Variants in HDAC9 observed in about 807,000 individuals in gnomAD.
HDAC9 encodes MEF-2 interacting transcription repressor (MITR) protein.
Under a neutral mutation model 139.4 loss-of-function variants are expected in HDAC9, and 41 were observed. The ratio of observed to expected loss-of-function variants is 0.29; its 90% confidence interval spans 0.23 to 0.38. The LOEUF is 0.38. HDAC9 is among the 10% of genes least tolerant of loss of function. The pLI is 1.00. For missense variants in HDAC9, 1,147 were observed against 1,297.0 expected, an observed-to-expected ratio of 0.88 and a Z score of 1.78; for synonymous variants, 517 against 476.2, an observed-to-expected ratio of 1.09 and a Z score of -1.12.
In HDAC9 at chr7:18,732,944, C is replaced by CACACGTGTATGTGTGTGTATGTGTATAT. The variant is rs1562893777; in HGVS notation, c.1909+5192_1909+5219dup. ...ACACACGTGTGTATGTATGTGTATA[C>CACACGTGTATGTGTGTGTATGTGTATAT]ACACGTGTATGTGTGTGTATGTGTA... is the stretch of plus-strand genomic sequence containing the variant. On this transcript the variant is annotated intron_variant, in intron 13 of 25. Coordinates refer to ENST00000686413, the MANE Select transcript of HDAC9 (RefSeq NM_178425.4). Among the ~76,000 whole-genome samples, 15 of 74,290 alleles carry CACACGTGTATGTGTGTGTATGTGTATAT rather than the reference C, an allele frequency of 2.0e-4. 1 individual carries two copies. The highest frequency in any genetic ancestry group is 4.7e-4 in the South Asian group (1 of 2,144). 48.7% of individuals were successfully genotyped at this position (74,290 alleles called of 152,430 possible). A position where few individuals can be genotyped will look rare whatever the true frequency, so the allele number is the denominator to read the frequency against.
chr7:18,954,077 C>G (rs1253766549), intron 23 of HDAC9, 69 bp from the exon 24 acceptor site: 7 of 1,078,124 alleles, frequency 6.5e-6, no homozygotes, highest in Non-Finnish European at 9.5e-6. Flanking sequence ...TTTCAGTTTG[C>G]TTTGCTTCTG....
rs144974733 is a variant in HDAC9 at position 18,371,695 on chromosome 7, A to C, written c.-42+81180A>C. 6.8e-3 allele frequency among the ~76,000 whole-genome samples: 1,033 copies of C among 152,292 alleles called. 14 individuals are homozygous for C. Among genetic ancestry groups the C allele is most frequent in the African/African-American group, 0.024 (1,001 of 41,572 alleles). ...CCATTCTCTTTTCTCATACCTTTTT[A>C]ATATGTTTGAAATAAAAAATAATTA... On this transcript the variant is annotated intron_variant, in intron 1 of 3. Coordinates refer to the HDAC9 transcript ENST00000413509.
chr7:18,218,644 C>T (rs1001064025), intron 2 of HDAC9, among the ~76,000 whole-genome samples: 1 of 152,074 alleles, frequency 6.6e-6, no homozygotes, highest in Non-Finnish European at 1.5e-5. Flanking sequence ...ACGCTTAGGT[C>T]CACCATTCAG....
At chr7:18,585,153 TAG>T in intron 2 of HDAC9, 126 bp from the exon 3 acceptor site, 1 of 979,656 alleles carries the variant, frequency 1.0e-6, no homozygotes, top group Non-Finnish European at 1.5e-6. Flanking sequence ...AAGAAATGGC[TAG>T]AGTCATTGGC....
chr7:18,699,624 C>A (rs994322460), intron 12 of HDAC9, among the ~76,000 whole-genome samples: 1 of 151,762 alleles, frequency 6.6e-6, no homozygotes, highest in Non-Finnish European at 1.5e-5. Flanking sequence ...TAGTGAACAC[C>A]CTCCCAATTA....
chr7:18,299,446 G>C (rs1798390528), intron 1 of HDAC9, among the ~76,000 whole-genome samples: 1 of 152,012 alleles, frequency 6.6e-6, no homozygotes, highest in Non-Finnish European at 1.5e-5. Context: ...TTCAAATTTA[G>C]TCTGTGTTTA....
intron 12 of HDAC9, among the ~76,000 whole-genome samples, chr7:18,717,629 C>G (rs920127891): frequency 6.6e-6 from 1 of 151,984 alleles, no homozygotes; most frequent in Non-Finnish European, 1.5e-5. Flanking sequence ...TGGGATTTCC[C>G]CATGTTGGTC....
intron 22 of HDAC9, among the ~76,000 whole-genome samples, chr7:18,893,046 AAAAAAAAAG>A (rs1481365457): frequency 2.0e-5 from 3 of 149,742 alleles, no homozygotes; most frequent in African/African-American, 7.4e-5. Flanking sequence ...AAAAAAAAAA[AAAAAAAAAG>A]AAAAGAAAAG....
chr7:18,878,261 A>G (rs1459670722), intron 22 of HDAC9, among the ~76,000 whole-genome samples: 1 of 152,176 alleles, frequency 6.6e-6, no homozygotes, highest in Non-Finnish European at 1.5e-5. Flanking sequence ...CCCTTTCAAC[A>G]CATACATGCG....
At chr7:18,734,096 T>A (rs1786656213) in intron 13 of HDAC9, among the ~76,000 whole-genome samples, 1 of 152,204 alleles carries the variant, frequency 6.6e-6, no homozygotes, top group Non-Finnish European at 1.5e-5. Flanking sequence ...GTGGCAATCC[T>A]GAATTGAGTA....
At chr7:18,427,244 A>G (rs2128757565) in intron 1 of HDAC9, among the ~76,000 whole-genome samples, 1 of 152,244 alleles carries the variant, frequency 6.6e-6, no homozygotes, top group East Asian at 1.9e-4. Context: ...GTCCTTAAAT[A>G]AGTATAGGTA....
chr7:18,435,060 A>G (rs958155616), intron 1 of HDAC9, among the ~76,000 whole-genome samples: 1 of 3,188 alleles, frequency 3.1e-4, no homozygotes, highest in African/African-American at 5.9e-4. Context: ...CTACACAGCC[A>G]AAAAAAAAAA....
intron 2 of HDAC9, among the ~76,000 whole-genome samples, chr7:18,208,772 C>A (rs1791729783): frequency 1.3e-5 from 2 of 151,824 alleles, no homozygotes; most frequent in African/African-American, 4.8e-5. Flanking sequence ...AGAAGGAAAG[C>A]AAGCTAAATA....
chr7:18,439,651 G>C (rs1791558359), intron 1 of HDAC9, among the ~76,000 whole-genome samples: 1 of 152,108 alleles, frequency 6.6e-6, no homozygotes, highest in East Asian at 1.9e-4. Context: ...CCTATTTGTA[G>C]TTTGAGAAAT....
chr7:18,804,464 A>G (rs1793546298), intron 17 of HDAC9, among the ~76,000 whole-genome samples: 1 of 152,202 alleles, frequency 6.6e-6, no homozygotes, highest in Non-Finnish European at 1.5e-5. Context: ...CTAATAGGGC[A>G]TAAGGATAGC....
At chr7:18,985,482 G>T (rs186718113) in intron 25 of HDAC9, among the ~76,000 whole-genome samples, 1 of 152,138 alleles carries the variant, frequency 6.6e-6, no homozygotes, top group Admixed American at 6.5e-5. Context: ...TTGGACATTT[G>T]GGTTGGTTCC....
At chr7:18,329,555 C>CAA (rs58319995) in intron 1 of HDAC9, among the ~76,000 whole-genome samples, 5 of 115,422 alleles carry the variant, frequency 4.3e-5, no homozygotes, top group East Asian at 2.4e-4. Context: ...GTCATCTCTC[C>CAA]AAAAAAAAAA....
intron 1 of HDAC9, among the ~76,000 whole-genome samples, chr7:18,157,195 G>T (rs1787277041): frequency 6.6e-6 from 1 of 152,184 alleles, no homozygotes; most frequent in African/African-American, 2.4e-5. Flanking sequence ...GGAATAGTCA[G>T]GACTCATAGT....
intron 1 of HDAC9, among the ~76,000 whole-genome samples, chr7:18,477,732 C>G (rs529156563): frequency 1.3e-5 from 2 of 152,054 alleles, no homozygotes; most frequent in Non-Finnish European, 2.9e-5. Flanking sequence ...GGCCATTATT[C>G]ACAAATTATA....
Sources: gnomAD v4.1 joint callset for allele counts (sites outside exome capture counted in the v4.1 genomes callset) on GRCh38, gnomAD v4.1.1 for gene constraint, MANE v1.5 for transcripts, NCBI Gene and HGNC (gene_info 2026-07-23, HGNC 2026-07-21) for gene names.